The following SGCD variants were observed in gnomAD, a reference collection of about 807,000 sequenced individuals.
SGCD encodes the protein delta-sarcoglycan.
Under a neutral mutation model 36.6 loss-of-function variants are expected in SGCD, and 18 were observed. That is an observed-to-expected ratio of 0.49 (90% CI 0.34 to 0.73). The LOEUF (loss-of-function observed/expected upper bound fraction) is 0.73, where lower values mean the gene tolerates loss of function less well. Ranked by LOEUF, SGCD falls within the 30% of genes least tolerant of loss-of-function variation. SGCD has a pLI of 0.01. For synonymous variants in SGCD, 133 were observed against 130.6 expected (o/e 1.02, Z -0.12); for missense variants, 387 against 346.7 (o/e 1.12, Z -0.92).
intron 3 of SGCD, among the ~76,000 whole-genome samples, chr5:156,210,656 A>T (rs144292583): frequency 6.6e-6 from 1 of 152,226 alleles, no homozygotes; most frequent in East Asian, 1.9e-4. Context: ...ACTGAAAAAT[A>T]TAATTAATGA....
intron 3 of SGCD, among the ~76,000 whole-genome samples, chr5:156,358,078 A>T (rs952168023): frequency 3.9e-5 from 6 of 152,206 alleles, no homozygotes; most frequent in Non-Finnish European, 5.9e-5. Flanking sequence ...TGAGGCTGTC[A>T]TCTGCCATGT....
At chr5:156,038,524 C>T (rs1367220717) in intron 1 of SGCD, among the ~76,000 whole-genome samples, 1 of 151,984 alleles carries the variant, frequency 6.6e-6, no homozygotes, top group Non-Finnish European at 1.5e-5. Flanking sequence ...GGATGTGATA[C>T]ATACAGGAAC....
At chr5:156,423,342 A>ATAATATATTGTAT (rs1580969979) in intron 3 of SGCD, among the ~76,000 whole-genome samples, 2 of 17,972 alleles carry the variant, frequency 1.1e-4, no homozygotes, top group Admixed American at 5.7e-4. Flanking sequence ...ATAATATAAT[A>ATAATATATTGTAT]TATTATAATT....
intron 3 of SGCD, among the ~76,000 whole-genome samples, chr5:156,403,179 A>C (rs1226503122): frequency 2.0e-5 from 3 of 152,018 alleles, no homozygotes; most frequent in Admixed American, 2.0e-4. Flanking sequence ...CATCCTCCCC[A>C]GTGAGGAAAA....
chr5:156,276,748 A>G (rs944031563), intron 3 of SGCD, among the ~76,000 whole-genome samples: 4 of 152,212 alleles, frequency 2.6e-5, no homozygotes, highest in African/African-American at 9.6e-5. Flanking sequence ...GACAATAAGT[A>G]CATTTTAAAG....
chr5:156,602,651 T>A (rs1761246827), intron 6 of SGCD, among the ~76,000 whole-genome samples: 1 of 152,174 alleles, frequency 6.6e-6, no homozygotes, highest in African/African-American at 2.4e-5. Flanking sequence ...TTCTTGCAAT[T>A]GGATTTTGAG....
At chr5:156,182,261 T>C (rs1763627435) in intron 3 of SGCD, among the ~76,000 whole-genome samples, 1 of 152,002 alleles carries the variant, frequency 6.6e-6, no homozygotes, top group South Asian at 2.1e-4. Context: ...GCTATAGCAA[T>C]TAAGATTAGA....
chr5:156,201,088 A>C (rs980527488), intron 3 of SGCD, among the ~76,000 whole-genome samples: 2 of 152,192 alleles, frequency 1.3e-5, no homozygotes, highest in Non-Finnish European at 2.9e-5. Context: ...CTGAGGGCTG[A>C]GGCAGGGAGA....
intron 3 of SGCD, among the ~76,000 whole-genome samples, chr5:156,384,052 G>A (rs1440187124): frequency 6.6e-6 from 1 of 152,164 alleles, no homozygotes; most frequent in Admixed American, 6.5e-5. Flanking sequence ...GTGTGTACAT[G>A]TTTAGTTGCC....
At chr5:155,833,101 G>A in the SGCD span, among the ~76,000 whole-genome samples, 105 of 150,816 alleles carry the variant, frequency 7.0e-4, 1 homozygote, top group South Asian at 0.013. Flanking sequence ...ATGGTGGGAC[G>A]CACCTGTAGT....
chr5:156,513,015 C>T (rs1757010015), intron 4 of SGCD, among the ~76,000 whole-genome samples: 1 of 151,848 alleles, frequency 6.6e-6, no homozygotes, highest in Admixed American at 6.6e-5. Flanking sequence ...TTAATATTTC[C>T]CTTCTGGATA....
intron 6 of SGCD, among the ~76,000 whole-genome samples, chr5:156,597,076 G>A (rs1198999845): frequency 6.6e-6 from 1 of 152,126 alleles, no homozygotes; most frequent in African/African-American, 2.4e-5. Context: ...CTGGTCAGTG[G>A]TTTATGTGTG....
chr5:156,034,246 A>T (rs1252314847), intron 1 of SGCD, among the ~76,000 whole-genome samples: 1 of 152,202 alleles, frequency 6.6e-6, no homozygotes, highest in Non-Finnish European at 1.5e-5. Flanking sequence ...TAGGATCCAG[A>T]TCCAAGGGAT....
chr5:155,818,212 C>T, the SGCD span, among the ~76,000 whole-genome samples: 1 of 151,980 alleles, frequency 6.6e-6, no homozygotes, highest in African/African-American at 2.4e-5. Flanking sequence ...TTATTCCATA[C>T]AGAGGAGAAA....
intron 1 of SGCD, among the ~76,000 whole-genome samples, chr5:155,902,525 G>T (rs2113340700): frequency 6.6e-6 from 1 of 152,254 alleles, no homozygotes; most frequent in Non-Finnish European, 1.5e-5. Context: ...GTAAGTGATT[G>T]ACAGATGTGA....
chr5:156,667,888 A>G (rs779904671), intron 7 of SGCD, among the ~76,000 whole-genome samples: 2 of 152,200 alleles, frequency 1.3e-5, no homozygotes, highest in Non-Finnish European at 2.9e-5. Flanking sequence ...GTATCAAATC[A>G]TGGTAACCAA....
chr5:155,781,845 G>T, the SGCD span, among the ~76,000 whole-genome samples: 1 of 151,964 alleles, frequency 6.6e-6, no homozygotes, highest in East Asian at 1.9e-4. Context: ...CATCATCCTA[G>T]GAAAAGAAAG....
intron 3 of SGCD, among the ~76,000 whole-genome samples, chr5:156,136,744 T>C (rs1306765250): frequency 1.3e-5 from 2 of 152,166 alleles, no homozygotes; most frequent in Non-Finnish European, 2.9e-5. Flanking sequence ...ATTCAAATCA[T>C]TGATATCTGA....
intron 6 of SGCD, among the ~76,000 whole-genome samples, chr5:156,606,290 T>A (rs2113437466): frequency 6.6e-6 from 1 of 152,240 alleles, no homozygotes; most frequent in East Asian, 1.9e-4. Context: ...CAGCACCATT[T>A]ATTAAATAGG....
Sources: allele counts gnomAD v4.1 joint callset (sites outside exome capture counted in the v4.1 genomes callset), GRCh38; gene constraint gnomAD v4.1.1; transcripts MANE v1.5; gene names NCBI Gene and HGNC (gene_info 2026-07-23, HGNC 2026-07-21).